Variants in MNAT1 observed in about 807,000 individuals in gnomAD.
The protein encoded by MNAT1 is MNAT1 component of CDK activating kinase, also known as CDK-activating kinase assembly factor MAT1.
A neutral mutation model predicts 42.0 loss-of-function variants in MNAT1; 43 were observed. The ratio of observed to expected loss-of-function variants is 1.02; its 90% CI spans 0.80 to 1.32. The LOEUF is 1.32. MNAT1 is among the 40% of genes most tolerant of loss of function. MNAT1 has a pLI of 0.00. For synonymous variants in MNAT1, 118 were observed against 120.0 expected, an observed-to-expected ratio of 0.98 and a Z score of 0.11; for missense variants, 306 against 350.4, an observed-to-expected ratio of 0.87 and a Z score of 1.01.
At chr14:60,828,463 A>G (rs2033117180) in intron 6 of MNAT1, among the ~76,000 whole-genome samples, 1 of 152,126 alleles carries the variant, frequency 6.6e-6, no homozygotes, top group Non-Finnish European at 1.5e-5. Context: ...CCTATATAGT[A>G]GGAAAAAAAC....
intron 6 of MNAT1, among the ~76,000 whole-genome samples, chr14:60,840,044 G>A (rs1036641610): frequency 5.3e-5 from 8 of 152,234 alleles, no homozygotes; most frequent in African/African-American, 9.6e-5. Flanking sequence ...CTGGAAAAGC[G>A]GCATCCTGCG....
At chr14:60,767,555 G>A (rs1408385981) in intron 1 of MNAT1, among the ~76,000 whole-genome samples, 2 of 151,808 alleles carry the variant, frequency 1.3e-5, no homozygotes, top group African/African-American at 4.8e-5. Context: ...AATTGATCTT[G>A]GAGGCAAGAA....
At chr14:60,870,926 T>C (rs1049751583) in intron 6 of MNAT1, among the ~76,000 whole-genome samples, 2 of 152,192 alleles carry the variant, frequency 1.3e-5, no homozygotes, top group African/African-American at 4.8e-5. Context: ...CCACAGCAAT[T>C]GTTAATCTAC....
chr14:60,953,992 A>G (rs1793213056), intron 7 of MNAT1, among the ~76,000 whole-genome samples: 1 of 151,720 alleles, frequency 6.6e-6, no homozygotes, highest in African/African-American at 2.4e-5. Context: ...CTTGCTATCG[A>G]GTTGTTTGTG....
chr14:60,751,402 G>T (rs959989343), intron 1 of MNAT1, among the ~76,000 whole-genome samples: 2 of 151,784 alleles, frequency 1.3e-5, no homozygotes, highest in African/African-American at 4.8e-5. Flanking sequence ...GCTAGCTTAC[G>T]ATAAAAAGCA....
chr14:60,863,674 T>A (rs949106651), intron 6 of MNAT1, among the ~76,000 whole-genome samples: 4 of 152,098 alleles, frequency 2.6e-5, no homozygotes, highest in Admixed American at 1.3e-4. Flanking sequence ...AATGTGATAG[T>A]CTGTGTATTC....
chr14:60,792,039 G>T (rs899822333), intron 1 of MNAT1, among the ~76,000 whole-genome samples: 1 of 152,036 alleles, frequency 6.6e-6, no homozygotes, highest in South Asian at 2.1e-4. Flanking sequence ...AGTTTATTTG[G>T]GAAAAATGTA....
At chr14:60,765,664 T>A (rs1045232784) in intron 1 of MNAT1, among the ~76,000 whole-genome samples, 1 of 152,130 alleles carries the variant, frequency 6.6e-6, no homozygotes, top group African/African-American at 2.4e-5. Flanking sequence ...TTTCATAAGA[T>A]TAAAATAATC....
At chr14:60,787,388 T>C (rs563347656) in intron 1 of MNAT1, among the ~76,000 whole-genome samples, 1 of 152,304 alleles carries the variant, frequency 6.6e-6, no homozygotes, top group Admixed American at 6.5e-5. Flanking sequence ...CTAACAATCA[T>C]CTGAGCCTTC....
intron 7 of MNAT1, among the ~76,000 whole-genome samples, chr14:60,936,081 T>C (rs2035988308): frequency 6.6e-6 from 1 of 152,160 alleles, no homozygotes; most frequent in Non-Finnish European, 1.5e-5. Context: ...TCCTCCTTGC[T>C]ACTGGTGGCT....
intron 7 of MNAT1, among the ~76,000 whole-genome samples, chr14:60,945,497 C>A (rs1166716264): frequency 1.3e-5 from 2 of 152,084 alleles, no homozygotes; most frequent in East Asian, 3.9e-4. Context: ...TTGAATAAAT[C>A]TTTGGTCATT....
Position 60,808,394 on chromosome 14 carries a change from A to G in MNAT1, c.386A>G (p.Asn129Ser), listed in dbSNP as rs747555819. The change falls in exon 4 of 8, where the codon AAC (asparagine) becomes AGC (serine). Residue 129 changes from asparagine (N) to serine (S), a missense_variant. By Grantham distance (46) the Asn-to-Ser change is conservative (BLOSUM62 1). This residue lies in a region of MNAT1 where 118 missense variants were observed against 99.8 expected (regional missense o/e 1.18). Transcript: ENST00000261245. ...KKKMEIYQKE[N>S]KDVIQKNKLK... is the part of the protein sequence containing the mutation. ...AAAATGGAGATATACCAAAAGGAAA[A>G]CAAAGATGTTATTCAGAAAAATAAA... 5.7e-6 allele frequency: 9 copies of G among 1,577,200 alleles called. No homozygotes were observed. In the East Asian group the frequency reaches 1.9e-4, roughly 33 times the overall value.
chr14:60,943,616 C>CT (rs35712843), intron 7 of MNAT1, among the ~76,000 whole-genome samples: 5 of 150,356 alleles, frequency 3.3e-5, no homozygotes, highest in South Asian at 2.1e-4. Flanking sequence ...ATTTGTTTCT[C>CT]TTTTTTTTTT....
At chr14:60,945,874 C>T (rs987672976) in intron 7 of MNAT1, among the ~76,000 whole-genome samples, 1 of 152,144 alleles carries the variant, frequency 6.6e-6, no homozygotes, top group African/African-American at 2.4e-5. Context: ...AAATCTCCCA[C>T]TCCACTTTCC....
chr14:60,869,437 A>G (rs1341580786), intron 6 of MNAT1, among the ~76,000 whole-genome samples: 1 of 152,162 alleles, frequency 6.6e-6, no homozygotes, highest in Non-Finnish European at 1.5e-5. Context: ...GACAGTGAGC[A>G]TGAGCATAGG....
chr14:60,940,935 G>T (rs2036143435), intron 7 of MNAT1, among the ~76,000 whole-genome samples: 1 of 152,016 alleles, frequency 6.6e-6, no homozygotes. Context: ...GTCATATATA[G>T]TTTCTATTGA....
intron 1 of MNAT1, among the ~76,000 whole-genome samples, chr14:60,786,281 A>G (rs1160569213): frequency 6.8e-6 from 1 of 147,516 alleles, no homozygotes; most frequent in Non-Finnish European, 1.5e-5. Context: ...GAGCTAGAAC[A>G]ATAGTAACAG....
chr14:60,848,383 C>G (rs1482413341), intron 6 of MNAT1, among the ~76,000 whole-genome samples: 1 of 152,134 alleles, frequency 6.6e-6, no homozygotes, highest in Non-Finnish European at 1.5e-5. Context: ...AGGGCTTTAA[C>G]TTTACTAATT....
intron 7 of MNAT1, among the ~76,000 whole-genome samples, chr14:60,911,803 T>G (rs1039066119): frequency 1.3e-5 from 2 of 152,122 alleles, no homozygotes; most frequent in African/African-American, 4.8e-5. Flanking sequence ...TTCTGGTGAT[T>G]TGGGGTGGAG....
Sources: allele counts gnomAD v4.1 joint callset (sites outside exome capture counted in the v4.1 genomes callset), GRCh38; gene constraint gnomAD v4.1.1; regional missense constraint gnomAD v4.1.1; transcripts MANE v1.5; gene names NCBI Gene and HGNC (gene_info 2026-07-23, HGNC 2026-07-21).